The following NUP98 variants were observed in gnomAD, a reference collection of about 807,000 sequenced individuals.
NUP98 encodes nuclear pore complex protein Nup98-Nup96.
NUP98 carries 26 observed loss-of-function variants against 191.9 expected under a neutral mutation model. The observed-to-expected ratio is 0.14, with a 90% CI of 0.10 to 0.19. The LOEUF (loss-of-function observed/expected upper bound fraction) is 0.19. Among genes scored for constraint, NUP98 ranks in the 10% least tolerant of loss-of-function variants. The pLI, the probability that NUP98 is intolerant of heterozygous loss-of-function variation, is 1.00. For synonymous variants in NUP98, 808 were observed against 778.4 expected (o/e 1.04, Z -0.63); for missense variants, 1,941 against 2,178.8 (o/e 0.89, Z 2.17).
At chr11:3,692,937 T>C in intron 27 of NUP98, 1 of 267,168 alleles carries the variant, frequency 3.7e-6, no homozygotes, top group Non-Finnish European at 7.0e-6. Context: ...AGAACTAAGT[T>C]TGAAGATAAA....
rs756612029 is a variant in NUP98, at chr11:3,720,832, C to CCA, written c.2147-8_2147-7insTG. On this transcript the variant is annotated splice_polypyrimidine_tract_variant and splice_region_variant and intron_variant, in intron 16 of 32. Coordinates refer to ENST00000324932, the MANE Select transcript of NUP98 (RefSeq NM_016320.5). ...ACCTTAGTGAGAATAATACCTGTGACAAAAAAAAAAAAAAAAACAGAAAAA... is the reference window on the plus strand; with the variant it reads ...ACCTTAGTGAGAATAATACCTGTGACCAAAAAAAAAAAAAAAAAACAGAAAAA... 6.2e-4 allele frequency: 235 copies of CCA among 376,182 alleles called. 1 individual carries two copies. The African/African-American group carries it at 6.8e-3, about 11-fold the overall frequency. The allele number at this position is 376,182 out of a possible 1,614,324, so 23.3% of individuals were successfully genotyped here. A position where few individuals can be genotyped will look rare whatever the true frequency, so the allele number is the denominator to read the frequency against.
intron 6 of NUP98, 50 bp from the exon 7 acceptor site, chr11:3,771,978 A>C: frequency 6.6e-7 from 1 of 1,504,390 alleles, no homozygotes; most frequent in Non-Finnish European, 9.2e-7. Context: ...GCTAAAAATA[A>C]TTATTTAGGA....
intron 4 of NUP98, among the ~76,000 whole-genome samples, chr11:3,777,825 T>G (rs907039910): frequency 6.6e-6 from 1 of 152,062 alleles, no homozygotes; most frequent in African/African-American, 2.4e-5. Context: ...ACATTTCTTT[T>G]GAATTAGTAC....
rs369045912 is a variant in NUP98, at chr11:3,719,753, T to TTTTTC, written c.2261-208_2261-204dup. ...ACTGTTATCTGATTTAAAATCTGCA[T>TTTTTC]TTTTCTTTTCTTTTCTTTTCTTTTT... is the stretch of plus-strand genomic sequence containing the variant. On this transcript the variant is annotated intron_variant, in intron 17 of 32. Coordinates refer to ENST00000324932, the MANE Select transcript of NUP98 (RefSeq NM_016320.5). 9.2e-5 allele frequency among the ~76,000 whole-genome samples: 14 copies of TTTTTC among 151,966 alleles called. No homozygotes were observed. The Middle Eastern group carries it at 0.01, about 112-fold the overall frequency.
intron 9 of NUP98, 93 bp from the exon 10 acceptor site, chr11:3,760,719 G>C (rs1436431919): frequency 3.2e-6 from 3 of 947,904 alleles, no homozygotes; most frequent in Admixed American, 5.0e-5. Flanking sequence ...GGTTGGGTAT[G>C]GGGTGGGAGA....
rs561294503 is a variant in NUP98, at chr11:3,696,238, A to G, written c.4010-632T>C. On this transcript the variant is annotated intron_variant, in intron 25 of 32. Coordinates refer to ENST00000324932, the MANE Select transcript of NUP98 (RefSeq NM_016320.5). ...AGGAAAACACTGGGCACGGTGGCTC[A>G]CACCTGTAATCCCAGTGCTCTGGGA... Among the ~76,000 whole-genome samples the G allele has an allele frequency of 1.4e-3, 216 of 152,218 alleles. 1 individual carries two copies. Among genetic ancestry groups the G allele is most frequent in the African/African-American group, 5.0e-3 (206 of 41,546 alleles).
intron 8 of NUP98, among the ~76,000 whole-genome samples, 161 bp downstream of exon 8, chr11:3,768,420 C>CAA (rs367855588): frequency 4.7e-4 from 37 of 79,386 alleles, no homozygotes; most frequent in Admixed American, 5.8e-4. Flanking sequence ...GACTCCATCT[C>CAA]AAAAAAAAAA....
intron 22 of NUP98, 38 bp downstream of exon 22, chr11:3,705,162 T>C: frequency 6.2e-7 from 1 of 1,606,936 alleles, no homozygotes; most frequent in Non-Finnish European, 8.5e-7. Flanking sequence ...TTGATGACTG[T>C]ACAGCTTTCT....
At chr11:3,736,623 G>A (rs1420118632) in intron 12 of NUP98, among the ~76,000 whole-genome samples, 1 of 152,180 alleles carries the variant, frequency 6.6e-6, no homozygotes, top group Non-Finnish European at 1.5e-5. Flanking sequence ...GCGAGACTCT[G>A]CCTCAAACAA....
intron 18 of NUP98, among the ~76,000 whole-genome samples, chr11:3,717,324 G>A (rs581757): frequency 0.17 from 25,721 of 152,056 alleles, 2,338 homozygotes; most frequent in East Asian, 0.26. Flanking sequence ...TCTAACTCAT[G>A]AGTATGGTCT....
intron 1 of NUP98, among the ~76,000 whole-genome samples, chr11:3,795,749 A>G (rs2082508763): frequency 1.3e-5 from 2 of 152,228 alleles, no homozygotes; most frequent in Admixed American, 6.5e-5. Flanking sequence ...AAGCTTGCAG[A>G]GAAGAGAATG....
chr11:3,729,119 A>G (rs2079734232), intron 14 of NUP98, among the ~76,000 whole-genome samples: 1 of 152,188 alleles, frequency 6.6e-6, no homozygotes, highest in African/African-American at 2.4e-5. Flanking sequence ...TTAGTTTGGT[A>G]AAGAGGTCTG....
chr11:3,703,310 G>A (rs1399980009), intron 22 of NUP98, among the ~76,000 whole-genome samples: 2 of 150,650 alleles, frequency 1.3e-5, no homozygotes, highest in South Asian at 2.1e-4. Context: ...TCTGCCTCCT[G>A]GGTTCAAGCA....
chr11:3,766,689 C>CAAAAA (rs544567161), intron 8 of NUP98, among the ~76,000 whole-genome samples: 15 of 58,876 alleles, frequency 2.5e-4, no homozygotes, highest in South Asian at 6.5e-4. Context: ...AACTCCGTCT[C>CAAAAA]AAAAAAAAAA....
chr11:3,763,186 C>A, intron 8 of NUP98, 147 bp from the exon 9 acceptor site: 1 of 731,650 alleles, frequency 1.4e-6, no homozygotes, highest in Non-Finnish European at 2.1e-6. Flanking sequence ...TCCTTCAAAA[C>A]AACCCTGAAA....
rs2078125508 is a variant in NUP98 at position 3,686,116 on chromosome 11, C to T, written c.4533G>A (p.Leu1511=). The change falls in exon 29 of 33, where the codon TTG becomes TTA. Residue 1511 remains leucine (L), a synonymous_variant. Coordinates refer to ENST00000324932, the MANE Select transcript of NUP98 (RefSeq NM_016320.5). ...AGTTAAGAGCCCTCAGCACTTCCCA[C>T]AAGTGCCAGCTTAGGCGGTAGTCCA... ...DPLDYRLSWH[L]WEVLRALNYT... is the part of the protein sequence containing the mutation. The T allele has an allele frequency of 1.2e-6, 2 of 1,614,238 alleles. No individual in the cohort carries two copies. Among genetic ancestry groups the T allele is most frequent in the Non-Finnish European group, 1.7e-6 (2 of 1,180,038 alleles).
At chr11:3,756,408 C>A (rs554918058) in intron 10 of NUP98, among the ~76,000 whole-genome samples, 2 of 152,076 alleles carry the variant, frequency 1.3e-5, no homozygotes, top group Admixed American at 6.6e-5. Context: ...AAAGATGACA[C>A]CTTTCATTTT....
Position 3,713,843 on chromosome 11 carries a change from G to A in NUP98, c.2552C>T (p.Pro851Leu). Residue 851 changes from proline (P) to leucine (L), a missense_variant, in exon 19 of 33, where the codon CCT (proline) becomes CTT (leucine). Physicochemically the swap from Pro to Leu is moderately conservative, Grantham distance 98 (BLOSUM62 -3). This residue lies in a region of NUP98 where 95 missense variants were observed against 139.7 expected (regional missense o/e 0.68). Coordinates refer to ENST00000324932, the MANE Select transcript of NUP98 (RefSeq NM_016320.5). ...CTTAAACACCCAAGAACCAGTTTCA[G>A]GCCGGTATTCTTTGAATTGAGCTCC... is the stretch of plus-strand genomic sequence containing the variant. ...KQGAQFKEYR[P>L]ETGSWVFKVS... The A allele has an allele frequency of 1.2e-6, 2 of 1,614,056 alleles. No homozygotes were observed. Among genetic ancestry groups the A allele is most frequent in the Non-Finnish European group, 1.7e-6 (2 of 1,179,988 alleles).
chr11:3,747,833 T>C (rs907198487), intron 11 of NUP98, among the ~76,000 whole-genome samples: 1 of 152,038 alleles, frequency 6.6e-6, no homozygotes, highest in African/African-American at 2.4e-5. Context: ...AAATGCAGAG[T>C]TCAGGAACGT....
Sources: allele counts gnomAD v4.1 joint callset (sites outside exome capture counted in the v4.1 genomes callset), GRCh38; gene constraint gnomAD v4.1.1; regional missense constraint gnomAD v4.1.1; transcripts MANE v1.5; gene names NCBI Gene and HGNC (gene_info 2026-07-23, HGNC 2026-07-21).